The following PCSK5 variants were observed in gnomAD, a reference collection of about 807,000 sequenced individuals.
PCSK5 encodes proprotein convertase subtilisin/kexin type 5, also known as prohormone convertase 5.
Under a neutral mutation model 233.2 loss-of-function variants are expected in PCSK5, and 129 were observed. The ratio of observed to expected loss-of-function variants is 0.55; its 90% CI spans 0.48 to 0.64. The LOEUF (loss-of-function observed/expected upper bound fraction) is 0.64, where lower values mean the gene tolerates loss of function less well. Ranked by LOEUF, PCSK5 falls within the 30% of genes least tolerant of loss-of-function variation. PCSK5 has a pLI of 0.00. For missense variants in PCSK5, 2,076 were observed against 2,430.1 expected, an observed-to-expected ratio of 0.85 and a Z score of 3.06; for synonymous variants, 825 against 879.2, an observed-to-expected ratio of 0.94 and a Z score of 1.09.
intron 12 of PCSK5, among the ~76,000 whole-genome samples, chr9:76,163,177 C>T (rs1822942484): frequency 6.6e-6 from 1 of 152,244 alleles, no homozygotes; most frequent in African/African-American, 2.4e-5. Context: ...TTTACTTAGA[C>T]ATTTCAGTGA....
In PCSK5 at chr9:76,332,416, T is replaced by A; in HGVS notation, c.4571-17T>A. The A allele has an allele frequency of 1.2e-6, 2 of 1,602,840 alleles. No homozygotes were observed. The highest frequency in any genetic ancestry group is 1.7e-6 in the Non-Finnish European group (2 of 1,172,812). On this transcript the variant is annotated splice_polypyrimidine_tract_variant and intron_variant, in intron 33 of 37. Coordinates refer to ENST00000674117, the MANE Select transcript of PCSK5 (RefSeq NM_001372043.1). ...TCATGCTCGATGTCCAAATAGACAT[T>A]TTTTCTCCCATGACAGACACAACCT...
At chr9:76,133,027 A>G (rs147088832) in intron 9 of PCSK5, among the ~76,000 whole-genome samples, 11 of 152,168 alleles carry the variant, frequency 7.2e-5, no homozygotes, top group African/African-American at 1.2e-4. Flanking sequence ...CCATACACCT[A>G]CAAAAGAGAG....
At chr9:75,970,118 C>G (rs571157787) in intron 2 of PCSK5, among the ~76,000 whole-genome samples, 1 of 152,090 alleles carries the variant, frequency 6.6e-6, no homozygotes, top group Non-Finnish European at 1.5e-5. Context: ...GTTGATCCGC[C>G]CACCTTGGCC....
Position 76,295,271 on chromosome 9 carries a change from C to T in PCSK5, c.3186-4C>T. The T allele has an allele frequency of 6.2e-7, 1 of 1,607,838 alleles. No homozygotes were observed. The highest frequency in any genetic ancestry group is 8.5e-7 in the Non-Finnish European group (1 of 1,177,154). On this transcript the variant is annotated splice_region_variant and splice_polypyrimidine_tract_variant and intron_variant, in intron 25 of 37. Transcript: ENST00000674117. The stretch of plus-strand genomic sequence containing the variant: ...ATGAAAGAAATGATGTCTTCTTCCT[C>T]TAGGTTTGATCACCATTGTTATAAA...
At chr9:76,048,348 A>C (rs1829497090) in intron 5 of PCSK5, among the ~76,000 whole-genome samples, 1 of 152,186 alleles carries the variant, frequency 6.6e-6, no homozygotes, top group Non-Finnish European at 1.5e-5. Flanking sequence ...TTTCTCACTT[A>C]GGAAACCTAA....
rs1286020691 is a variant in PCSK5 at position 76,282,145 on chromosome 9, T to TTTTTTTTTTTC, written c.3143-10086_3143-10085insTTTTTTTTCTT. ...CTTTTTTTTTTTTTTTTTTTTTTTT[T>TTTTTTTTTTTC]TTCGCTCTGTTGCCCAGGCTGGAGC... On this transcript the variant is annotated intron_variant, in intron 24 of 37. Coordinates refer to ENST00000674117, the MANE Select transcript of PCSK5 (RefSeq NM_001372043.1). Among the ~76,000 whole-genome samples the TTTTTTTTTTTC allele has an allele frequency of 5.0e-3, 498 of 98,994 alleles. 140 individuals are homozygous for TTTTTTTTTTTC. Among genetic ancestry groups the TTTTTTTTTTTC allele is most frequent in the East Asian group, 0.022 (54 of 2,480 alleles). 64.9% of individuals were successfully genotyped at this position (98,994 alleles called of 152,430 possible).
At chr9:76,289,442 T>C (rs975387349) in intron 24 of PCSK5, among the ~76,000 whole-genome samples, 2 of 138,528 alleles carry the variant, frequency 1.4e-5, no homozygotes, top group African/African-American at 5.2e-5. Flanking sequence ...TTGTAGCTTG[T>C]TTAAGACTCC....
intron 25 of PCSK5, among the ~76,000 whole-genome samples, chr9:76,294,271 C>T (rs147609220): frequency 9.7e-4 from 147 of 151,830 alleles, no homozygotes; most frequent in East Asian, 6.2e-3. Flanking sequence ...CTCTGAAATT[C>T]ATCAAAGGCA....
At chr9:76,263,810 A>G (rs1224102689) in intron 24 of PCSK5, among the ~76,000 whole-genome samples, 2 of 152,078 alleles carry the variant, frequency 1.3e-5, no homozygotes, top group Non-Finnish European at 2.9e-5. Context: ...GAAATCAGAG[A>G]TGACACAAAC....
intron 2 of PCSK5, among the ~76,000 whole-genome samples, chr9:75,965,010 C>A (rs1467513537): frequency 6.6e-6 from 1 of 152,134 alleles, no homozygotes; most frequent in Non-Finnish European, 1.5e-5. Context: ...GGGGAACAGA[C>A]CTTTCCTATC....
chr9:76,007,669 C>T (rs1374947887), intron 3 of PCSK5, among the ~76,000 whole-genome samples: 3 of 151,980 alleles, frequency 2.0e-5, no homozygotes, highest in Non-Finnish European at 4.4e-5. Context: ...CTCTGTTGCC[C>T]AGGCTGGAGT....
At chr9:76,150,617 G>A (rs1160007838) in intron 10 of PCSK5, among the ~76,000 whole-genome samples, 1 of 152,112 alleles carries the variant, frequency 6.6e-6, no homozygotes, top group Admixed American at 6.5e-5. Flanking sequence ...TGGGCAACAA[G>A]AGTGAAACTC....
chr9:76,152,140 T>C (rs1823701365), intron 10 of PCSK5, among the ~76,000 whole-genome samples: 1 of 152,168 alleles, frequency 6.6e-6, no homozygotes, highest in Non-Finnish European at 1.5e-5. Flanking sequence ...ATTATTGATA[T>C]TAACAGCTGG....
intron 2 of PCSK5, among the ~76,000 whole-genome samples, chr9:75,952,191 A>G (rs1409822029): frequency 6.6e-6 from 1 of 152,188 alleles, no homozygotes; most frequent in Non-Finnish European, 1.5e-5. Context: ...TTCAGCATGC[A>G]TGTCATTAAC....
intron 32 of PCSK5, among the ~76,000 whole-genome samples, chr9:76,323,684 C>A (rs946405922): frequency 2.0e-4 from 31 of 152,130 alleles, no homozygotes. Context: ...ATATTTTGAA[C>A]CGGTTGTAAA....
intron 10 of PCSK5, among the ~76,000 whole-genome samples, chr9:76,141,372 C>G (rs1003830499): frequency 6.6e-6 from 1 of 152,126 alleles, no homozygotes; most frequent in Non-Finnish European, 1.5e-5. Context: ...CAGCTCTGAA[C>G]TCAGTGGTTC....
At chr9:76,188,696 G>A in intron 18 of PCSK5, 21 bp downstream of exon 18, 1 of 1,574,904 alleles carries the variant, frequency 6.3e-7, no homozygotes, top group Non-Finnish European at 8.7e-7. Context: ...TAGTTCTTTT[G>A]TTTATTCTCC....
rs2131282141 is a variant in PCSK5, at chr9:75,932,310, A to G, written c.193-69A>G. 4 of 948,656 alleles carry G rather than the reference A, an allele frequency of 4.2e-6. No homozygotes were observed. In the Middle Eastern group the frequency reaches 6.5e-4, roughly 155 times the overall value. The allele number at this position is 948,656 out of a possible 1,614,324, so 58.8% of individuals were successfully genotyped here. A position where few individuals can be genotyped will look rare whatever the true frequency, so the allele number is the denominator to read the frequency against. On this transcript the variant is annotated intron_variant, in intron 1 of 37. Transcript: ENST00000674117. ...TGTTCCTTTTTAAATGAAAAACAGG[A>G]AAACAGAAGACGGTTTTCACACATT...
intron 24 of PCSK5, among the ~76,000 whole-genome samples, chr9:76,270,302 C>T (rs534207280): frequency 5.9e-5 from 9 of 152,252 alleles, no homozygotes; most frequent in Non-Finnish European, 1.2e-4. Context: ...AGAGTTTCCT[C>T]GGATGCTGAG....
Sources: allele counts gnomAD v4.1 joint callset (sites outside exome capture counted in the v4.1 genomes callset), GRCh38; gene constraint gnomAD v4.1.1; transcripts MANE v1.5; gene names NCBI Gene and HGNC (gene_info 2026-07-23, HGNC 2026-07-21).